The following MGAT5B variants were observed in gnomAD, a reference collection of about 807,000 sequenced individuals.
The protein encoded by MGAT5B is alpha-1,6-mannosylglycoprotein 6-beta-N-acetylglucosaminyltransferase B.
MGAT5B carries 54 observed loss-of-function variants against 95.1 expected under a neutral mutation model. The observed-to-expected ratio is 0.57, with a 90% CI of 0.46 to 0.71. MGAT5B has a LOEUF of 0.71. MGAT5B is among the 30% of genes least tolerant of loss of function. The pLI is 0.00. For missense variants in MGAT5B, 935 were observed against 1,088.6 expected (o/e 0.86, Z 1.99); for synonymous variants, 464 against 451.0 (o/e 1.03, Z -0.36).
At position 76,906,014 on chromosome 17, in the gene MGAT5B, C is replaced by G. The variant is rs1358590890; in HGVS notation, c.856-4C>G. 2 of 1,599,952 alleles carry G rather than the reference C, an allele frequency of 1.3e-6. No homozygotes were observed. The highest frequency in any genetic ancestry group is 3.4e-5 in the Admixed American group (2 of 58,102). ...TGCTGACCCTCTGTGTTCCGCCCAC[C>G]CAGATCCTGGTCCACATCGGCTTCC... On this transcript the variant is annotated splice_region_variant and splice_polypyrimidine_tract_variant and intron_variant, in intron 7 of 17. Coordinates refer to ENST00000569840, the MANE Select transcript of MGAT5B (RefSeq NM_001199172.2). The surrounding 1 kb of genome is among the most constrained non-coding windows in gnomAD (Gnocchi z 4.6).
At chr17:76,948,229 C>A (rs1970097440) in intron 17 of MGAT5B, 143 bp downstream of exon 17, 2 of 1,422,892 alleles carry the variant, frequency 1.4e-6, no homozygotes, top group Non-Finnish European at 9.2e-7. Context: ...AGGAAGGATC[C>A]AGAAGGGATC....
At chr17:76,875,508 ATC>A (rs529360529) in intron 2 of MGAT5B, among the ~76,000 whole-genome samples, 4 of 151,876 alleles carry the variant, frequency 2.6e-5, no homozygotes, top group Non-Finnish European at 5.9e-5. Context: ...AACCTTTTTC[ATC>A]TATAAATTAC....
At chr17:76,945,820 C>A (rs1970010708) in intron 15 of MGAT5B, among the ~76,000 whole-genome samples, 1 of 152,204 alleles carries the variant, frequency 6.6e-6, no homozygotes, top group Non-Finnish European at 1.5e-5. Context: ...GTGCCAGGCA[C>A]TGGAGATTCA....
At chr17:76,904,489 C>A in intron 6 of MGAT5B, 67 bp downstream of exon 6, 2 of 1,476,244 alleles carry the variant, frequency 1.4e-6, no homozygotes, top group African/African-American at 1.4e-5. Flanking sequence ...GGACAGTGGA[C>A]AGAAACCTCT....
At position 76,935,801 on chromosome 17, in the gene MGAT5B, TTA is replaced by T. The variant is rs1310702853; in HGVS notation, c.1429-2179_1429-2178del. On this transcript the variant is annotated intron_variant, in intron 12 of 17. Transcript: ENST00000569840. ...CTCTCTCTTTTTAAACATATATATA[TTA>T]TATATATTATATAATTATATATACT... is the stretch of plus-strand genomic sequence containing the variant. Among the ~76,000 whole-genome samples the T allele has an allele frequency of 4.2e-5, 6 of 142,796 alleles. No homozygotes were observed. In the Middle Eastern group the frequency reaches 0.011, roughly 257 times the overall value. 93.7% of individuals were successfully genotyped at this position (142,796 alleles called of 152,430 possible).
intron 8 of MGAT5B, among the ~76,000 whole-genome samples, chr17:76,920,129 C>T (rs1166073613): frequency 1.3e-5 from 2 of 152,192 alleles, no homozygotes; most frequent in Non-Finnish European, 2.9e-5. Flanking sequence ...ACAAACTTCC[C>T]CGTCCTTCCC....
chr17:76,915,952 G>C lies in MGAT5B; in HGVS notation c.1026-9014G>C, dbSNP rs941484284. 3.3e-5 allele frequency among the ~76,000 whole-genome samples: 5 copies of C among 152,240 alleles called. No homozygotes were observed. Among genetic ancestry groups the C allele is most frequent in the African/African-American group, 4.8e-5 (2 of 41,470 alleles). On this transcript the variant is annotated intron_variant, in intron 8 of 17. Transcript: ENST00000569840. This position sits in a 1 kb window ranked among gnomAD's most constrained non-coding sequence, Gnocchi z 8.7. The stretch of plus-strand genomic sequence containing the variant: ...TCAGAACCCTTCCCCAGGAAATTCA[G>C]ACTTGGGTAGGCAGAAGACCTACCT...
chr17:76,923,576 T>TC lies in MGAT5B; in HGVS notation c.1026-1384dup, dbSNP rs531949457. ...GCACGTGGCCTTCTCTGCTTGGGCA[T>TC]CCCCCCTGCCCATCCCTCCACCAAT... is the stretch of plus-strand genomic sequence containing the variant. On this transcript the variant is annotated intron_variant, in intron 8 of 17. Transcript: ENST00000569840. 4.0e-5 allele frequency among the ~76,000 whole-genome samples: 6 copies of TC among 151,758 alleles called. No homozygotes were observed. The South Asian group carries it at 1.3e-3, about 32-fold the overall frequency.
At chr17:76,871,475 T>C (rs1967011246) in intron 1 of MGAT5B, among the ~76,000 whole-genome samples, 1 of 152,194 alleles carries the variant, frequency 6.6e-6, no homozygotes, top group Non-Finnish European at 1.5e-5. Context: ...GTTCTCCTCT[T>C]CTCTGCCCAA....
Position 76,904,409 on chromosome 17 carries a change from T to A in MGAT5B, c.677T>A (p.Leu226His). 1 of 1,558,522 alleles carries A rather than the reference T, an allele frequency of 6.4e-7. No individual in the cohort carries two copies. Among genetic ancestry groups the A allele is most frequent in the African/African-American group, 1.4e-5 (1 of 73,778 alleles). The change falls in exon 6 of 18, where the codon CTC becomes CAC. Residue 226 changes from leucine to histidine, a missense_variant. Transcript: ENST00000569840. The stretch of plus-strand genomic sequence containing the variant: ...GCTGCCCAGAGGGCACCCAAGCCCC[T>A]CCCCAAAGTCCAGGTGGGCCTGGGA... ...QTAAQRAPKP[L>H]PKVQAVFRSN...
chr17:76,926,855 G>C, intron 10 of MGAT5B, 125 bp downstream of exon 10: 1 of 1,210,500 alleles, frequency 8.3e-7, no homozygotes, highest in Non-Finnish European at 1.2e-6. Flanking sequence ...GGGTTGGTGG[G>C]ACCCAGCAAG....
At chr17:76,928,775 A>G (rs2145247792) in intron 10 of MGAT5B, among the ~76,000 whole-genome samples, 1 of 152,254 alleles carries the variant, frequency 6.6e-6, no homozygotes, top group South Asian at 2.1e-4. Context: ...TGGTAAGAGG[A>G]GCATGGAGGA....
chr17:76,869,889 G>T lies in MGAT5B; in HGVS notation c.68+792G>T, dbSNP rs192881554. 0.027 allele frequency among the ~76,000 whole-genome samples: 4,143 copies of T among 152,176 alleles called. 181 individuals are homozygous for T. Among genetic ancestry groups the T allele is most frequent in the African/African-American group, 0.095 (3,934 of 41,542 alleles). On this transcript the variant is annotated intron_variant, in intron 1 of 17. Coordinates refer to ENST00000569840, the MANE Select transcript of MGAT5B (RefSeq NM_001199172.2). This position sits in a 1 kb window ranked among gnomAD's most constrained non-coding sequence, Gnocchi z 7.0. ...AGCCAGGGGCCCCCAGGGCCCAGCG[G>T]TGCCGGGGCAGCCCCCTCTCCTCCC...
intron 8 of MGAT5B, chr17:76,923,930 G>A (rs1477133562): frequency 2.6e-5 from 4 of 152,134 alleles, no homozygotes; most frequent in East Asian, 1.9e-4. Context: ...CCGTCTCTGC[G>A]GAGGACGGTA....
intron 5 of MGAT5B, 150 bp from the exon 6 acceptor site, chr17:76,904,102 C>T (rs1269446761): frequency 5.1e-6 from 4 of 781,956 alleles, no homozygotes; most frequent in African/African-American, 3.5e-5. Context: ...GGTTCAATCT[C>T]TTCTCTGCCC....
intron 8 of MGAT5B, among the ~76,000 whole-genome samples, chr17:76,909,476 G>A (rs1312833930): frequency 6.6e-6 from 1 of 152,182 alleles, no homozygotes; most frequent in Non-Finnish European, 1.5e-5. Flanking sequence ...CCCCACCAGA[G>A]CCTGCCTACT....
At position 76,905,833 on chromosome 17, in the gene MGAT5B, G is replaced by A. The variant is rs941100140; in HGVS notation, c.856-185G>A. ...ACATTAGCTCCATGAGGGCAAGCAC[G>A]TGACTATCTTGTTCGCCCGTGTCCC... On this transcript the variant is annotated intron_variant, in intron 7 of 17. Transcript: ENST00000569840. The surrounding 1 kb of genome is among the most constrained non-coding windows in gnomAD (Gnocchi z 4.2). 4.4e-5 allele frequency among the ~76,000 whole-genome samples: 5 copies of A among 114,886 alleles called. No individual in the cohort carries two copies. Among genetic ancestry groups the A allele is most frequent in the Non-Finnish European group, 7.0e-5 (4 of 57,464 alleles). The allele number at this position is 114,886 out of a possible 152,430, so 75.4% of individuals were successfully genotyped here.
intron 13 of MGAT5B, among the ~76,000 whole-genome samples, chr17:76,939,658 G>A (rs975869978): frequency 6.6e-5 from 10 of 152,202 alleles, no homozygotes; most frequent in African/African-American, 1.9e-4. Context: ...TAATTCTTCC[G>A]TCTTTACCCC....
chr17:76,880,405 G>A (rs551898408), intron 2 of MGAT5B, among the ~76,000 whole-genome samples: 1 of 152,306 alleles, frequency 6.6e-6, no homozygotes, highest in African/African-American at 2.4e-5. Flanking sequence ...ATATCAGGGT[G>A]GGAACGTGGC....
Sources: gnomAD v4.1 joint callset for allele counts (sites outside exome capture counted in the v4.1 genomes callset) on GRCh38, gnomAD v4.1.1 for gene constraint, Gnocchi (gnomAD v3.1) non-coding constraint, MANE v1.5 for transcripts, NCBI Gene and HGNC (gene_info 2026-07-23, HGNC 2026-07-21) for gene names.